The following TXNDC9 variants were observed in gnomAD, a reference collection of about 807,000 sequenced individuals.
TXNDC9 encodes thioredoxin domain containing 9.
Under a neutral mutation model 23.0 loss-of-function variants are expected in TXNDC9, and 7 were observed. The observed-to-expected ratio is 0.30, with a 90% CI of 0.17 to 0.57. The LOEUF (loss-of-function observed/expected upper bound fraction) is 0.57. Among genes scored for constraint, TXNDC9 ranks in the 20% least tolerant of loss-of-function variants. The pLI, the probability that TXNDC9 is intolerant of heterozygous loss-of-function variation, is 0.90. For synonymous variants in TXNDC9, 72 were observed against 90.6 expected (o/e 0.79, Z 1.17); for missense variants, 198 against 252.6 (o/e 0.78, Z 1.47).
chr2:99,331,509 C>CAA (rs1331778345), intron 2 of TXNDC9, among the ~76,000 whole-genome samples: 10 of 54,736 alleles, frequency 1.8e-4, no homozygotes, highest in African/African-American at 6.2e-4. Flanking sequence ...GACTCCCTCT[C>CAA]AAAAAAAAAA....
At chr2:99,309,780 A>C in the TXNDC9 span, among the ~76,000 whole-genome samples, 2 of 152,118 alleles carry the variant, frequency 1.3e-5, no homozygotes, top group Non-Finnish European at 2.9e-5. Context: ...TCTACCTCCC[A>C]GGTTCAAGCG....
chr2:99,307,119 TCTTTC>T, the TXNDC9 span, among the ~76,000 whole-genome samples: 3 of 121,876 alleles, frequency 2.5e-5, no homozygotes, highest in Admixed American at 8.1e-5. Context: ...ACTCTCTCTC[TCTTTC>T]TCTCTCTCTC....
rs747703010 is a variant in TXNDC9 at position 99,333,118 on chromosome 2, A to G, written c.93T>C (p.Ser31=). Residue 31 remains serine, a synonymous_variant, in exon 2 of 5, where the codon TCT becomes TCC. Transcript: ENST00000264255. ...TTKLVEEHLD[S]EIQKLDQMDE... ...CCATCTGATCCAGTTTTTGAATTTC[A>G]GAATCCAAATGTTCTTCCACCAGTT... The G allele has an allele frequency of 1.5e-5, 25 of 1,614,040 alleles. No individual in the cohort carries two copies. The African/African-American group carries it at 2.3e-4, about 15-fold the overall frequency.
At chr2:99,314,824 T>A (rs1185225424), downstream of TXNDC9, among the ~76,000 whole-genome samples, 1 of 151,998 alleles carries the variant, frequency 6.6e-6, no homozygotes, top group African/African-American at 2.4e-5. Context: ...AGTTAATGAT[T>A]TGAGCATCTT....
chr2:99,317,753 C>A (rs2094192502), downstream of TXNDC9, among the ~76,000 whole-genome samples: 1 of 152,066 alleles, frequency 6.6e-6, no homozygotes, highest in Non-Finnish European at 1.5e-5. Flanking sequence ...ACTGGTATTA[C>A]AGGCATGAGC....
In TXNDC9 at chr2:99,322,575, C is replaced by A. The variant is rs754416336; in HGVS notation, c.309-366G>T. The A allele has an allele frequency of 8.9e-5, 136 of 1,526,618 alleles. 1 individual carries two copies. The highest frequency in any genetic ancestry group is 5.7e-4 in the South Asian group (45 of 79,206). 94.6% of individuals were successfully genotyped at this position (1,526,618 alleles called of 1,614,324 possible). A position where few individuals can be genotyped will look rare whatever the true frequency, so the allele number is the denominator to read the frequency against. The stretch of plus-strand genomic sequence containing the variant: ...AAGAGACTTACAAGAATCAGAAGTG[C>A]ACACATGGTGCCATATTTGGAAGTC... On this transcript the variant is annotated intron_variant, in intron 3 of 4. Transcript: ENST00000264255.
chr2:99,323,960 C>T (rs1188374959), intron 3 of TXNDC9, among the ~76,000 whole-genome samples: 1 of 152,086 alleles, frequency 6.6e-6, no homozygotes, highest in Non-Finnish European at 1.5e-5. Context: ...ATTCTCCTTC[C>T]TCAGCCTCCC....
the TXNDC9 span, among the ~76,000 whole-genome samples, chr2:99,310,872 T>G: frequency 1.3e-5 from 2 of 152,234 alleles, no homozygotes; most frequent in Non-Finnish European, 2.9e-5. Context: ...TATGAACCAC[T>G]GCAGGAGGGG....
At chr2:99,320,306 C>T (rs2094198523) in intron 4 of TXNDC9, among the ~76,000 whole-genome samples, 1 of 152,194 alleles carries the variant, frequency 6.6e-6, no homozygotes, top group Non-Finnish European at 1.5e-5. Flanking sequence ...CTGCACCAGA[C>T]CTATTTTCCT....
chr2:99,314,431 T>C (rs2094183844), downstream of TXNDC9, among the ~76,000 whole-genome samples: 1 of 152,094 alleles, frequency 6.6e-6, no homozygotes, highest in Non-Finnish European at 1.5e-5. Flanking sequence ...TAACAACTAT[T>C]TATATAGCAT....
intron 3 of TXNDC9, 88 bp from the exon 4 acceptor site, chr2:99,322,297 G>A (rs1407721357): frequency 4.7e-6 from 7 of 1,493,758 alleles, no homozygotes; most frequent in Non-Finnish European, 4.5e-6. Flanking sequence ...ATCTAATTAT[G>A]TAGTTTTTCT....
intron 2 of TXNDC9, among the ~76,000 whole-genome samples, chr2:99,328,262 A>AT (rs59604079): frequency 9.7e-4 from 134 of 138,090 alleles, no homozygotes; most frequent in African/African-American, 2.7e-3. Flanking sequence ...CACGCCTGGC[A>AT]TTTTTTTTTT....
At chr2:99,313,437 T>C in the TXNDC9 span, among the ~76,000 whole-genome samples, 1 of 152,154 alleles carries the variant, frequency 6.6e-6, no homozygotes, top group Non-Finnish European at 1.5e-5. Context: ...GTTATAAAAG[T>C]CAGTCATTTT....
chr2:99,324,850 A>G (rs964731016), intron 3 of TXNDC9, among the ~76,000 whole-genome samples: 1 of 152,212 alleles, frequency 6.6e-6, no homozygotes, highest in South Asian at 2.1e-4. Context: ...GGTTCAAGCA[A>G]TTCCCCTGCC....
intron 2 of TXNDC9, among the ~76,000 whole-genome samples, chr2:99,331,122 AT>A (rs1425922385): frequency 1.3e-5 from 2 of 152,246 alleles, no homozygotes; most frequent in African/African-American, 4.8e-5. Context: ...CTCTACAAAA[AT>A]ATCCTAGTTA....
downstream of TXNDC9, among the ~76,000 whole-genome samples, chr2:99,317,762 G>GC (rs1202545399): frequency 1.3e-5 from 2 of 151,968 alleles, no homozygotes; most frequent in African/African-American, 4.8e-5. Context: ...ACAGGCATGA[G>GC]CCACCACACC....
At chr2:99,323,976 G>A (rs1231002074) in intron 3 of TXNDC9, among the ~76,000 whole-genome samples, 1 of 152,034 alleles carries the variant, frequency 6.6e-6, no homozygotes, top group African/African-American at 2.4e-5. Flanking sequence ...CTCCCGAGTA[G>A]CTGGGATTAC....
chr2:99,313,736 G>A, the TXNDC9 span, among the ~76,000 whole-genome samples: 5 of 152,194 alleles, frequency 3.3e-5, no homozygotes, highest in African/African-American at 1.2e-4. Context: ...GACCTCTGCA[G>A]GGACTCCAAG....
chr2:99,334,959 C>T (rs1241027620), intron 1 of TXNDC9, among the ~76,000 whole-genome samples: 1 of 152,200 alleles, frequency 6.6e-6, no homozygotes, highest in African/African-American at 2.4e-5. Flanking sequence ...CGTGATCCGC[C>T]CGCCTCGGCC....
Sources: allele counts gnomAD v4.1 joint callset (sites outside exome capture counted in the v4.1 genomes callset), GRCh38; gene constraint gnomAD v4.1.1; transcripts MANE v1.5; gene names NCBI Gene and HGNC (gene_info 2026-07-23, HGNC 2026-07-21).